STT3B: variants seen among roughly 807,000 people sequenced by gnomAD.
The protein encoded by STT3B is STT3 oligosaccharyltransferase complex catalytic subunit B.
A neutral mutation model predicts 96.8 loss-of-function variants in STT3B; 29 were observed. That is an observed-to-expected ratio of 0.30 (90% CI 0.22 to 0.41). The LOEUF (loss-of-function observed/expected upper bound fraction) is 0.41. Among genes scored for constraint, STT3B ranks in the 10% least tolerant of loss-of-function variants. The pLI, the probability that STT3B is intolerant of heterozygous loss-of-function variation, is 1.00. For missense variants in STT3B, 640 were observed against 1,022.3 expected, an observed-to-expected ratio of 0.63 and a Z score of 5.10; for synonymous variants, 367 against 360.0, an observed-to-expected ratio of 1.02 and a Z score of -0.22.
chr3:31,623,775 G>A lies in STT3B; in HGVS notation c.1641G>A (p.Leu547=), dbSNP rs768289963. 4.3e-6 allele frequency: 7 copies of A among 1,614,104 alleles called. No homozygotes were observed. The highest frequency in any genetic ancestry group is 5.9e-6 in the Non-Finnish European group (7 of 1,179,968). The change falls in exon 11 of 16, where the codon TTG becomes TTA. Residue 547 remains leucine (L), a synonymous_variant. Coordinates refer to ENST00000295770, the MANE Select transcript of STT3B (RefSeq NM_178862.3). The part of the protein sequence containing the change: ...SIVTMLMLML[L]MMFAVHCTWV... ...TCACCATGTTGATGCTGATGCTATTGATGATGTTTGCTGTCCACTGTACCT... is the reference window on the plus strand; with the variant it reads ...TCACCATGTTGATGCTGATGCTATTAATGATGTTTGCTGTCCACTGTACCT...
At chr3:31,618,386 A>G (rs1334086977) in intron 8 of STT3B, among the ~76,000 whole-genome samples, 5 of 151,866 alleles carry the variant, frequency 3.3e-5, no homozygotes, top group Non-Finnish European at 7.4e-5. Flanking sequence ...ATTTTTTCTA[A>G]TACCATCTGA....
chr3:31,636,293 A>G lies in STT3B; in HGVS notation c.*229A>G, dbSNP rs1699753379. On this transcript the variant is annotated 3_prime_UTR_variant, in exon 16 of 16. Transcript: ENST00000295770. ...AGACAGAGCACTGCTGTAAATGTCT[A>G]GCAGCAGATTTTTTTTTTATTGGTA... 2.7e-6 allele frequency: 1 copy of G among 365,388 alleles called. No individual in the cohort carries two copies. Among genetic ancestry groups the G allele is most frequent in the Non-Finnish European group, 5.0e-6 (1 of 199,046 alleles). 22.6% of individuals were successfully genotyped at this position (365,388 alleles called of 1,614,324 possible).
chr3:31,539,220 A>T (rs963261847), intron 1 of STT3B, among the ~76,000 whole-genome samples: 2 of 152,172 alleles, frequency 1.3e-5, no homozygotes, highest in African/African-American at 4.8e-5. Flanking sequence ...GTAGACAAAC[A>T]AATCTCTAAA....
intron 3 of STT3B, among the ~76,000 whole-genome samples, chr3:31,594,451 G>C (rs1200101620): frequency 7.0e-6 from 1 of 142,928 alleles, no homozygotes; most frequent in Non-Finnish European, 1.5e-5. Flanking sequence ...TTTTTTTTTG[G>C]ATGGAGTCTC....
Position 31,633,164 on chromosome 3 carries a change from G to A in STT3B, c.2400+17G>A. The A allele has an allele frequency of 1.2e-6, 2 of 1,605,156 alleles. No homozygotes were observed. The highest frequency in any genetic ancestry group is 1.7e-6 in the Non-Finnish European group (2 of 1,174,486). On this transcript the variant is annotated intron_variant, in intron 15 of 15. Transcript: ENST00000295770. ...TCAAAGAAGGTGGGTGCCAAGTGAA[G>A]GCATTAAAGGGTAACTTAAGGTGTG...
intron 8 of STT3B, 88 bp from the exon 9 acceptor site, chr3:31,619,588 T>A: frequency 1.7e-6 from 2 of 1,158,914 alleles, no homozygotes; most frequent in Non-Finnish European, 1.2e-6. Context: ...GTAGGTACCA[T>A]TTCTACAACC....
chr3:31,563,331 G>A (rs1697925963), intron 1 of STT3B, among the ~76,000 whole-genome samples: 1 of 152,156 alleles, frequency 6.6e-6, no homozygotes, highest in Non-Finnish European at 1.5e-5. Flanking sequence ...TTAACATTCA[G>A]TCATTTAACA....
intron 1 of STT3B, among the ~76,000 whole-genome samples, chr3:31,538,109 G>A (rs1265858792): frequency 6.6e-6 from 1 of 152,044 alleles, no homozygotes; most frequent in Admixed American, 6.5e-5. Context: ...GAATTTTATA[G>A]TGAACACTCA....
Position 31,559,951 on chromosome 3 carries a change from CTT to C in STT3B, c.315-16441_315-16440del, listed in dbSNP as rs1329484924. On this transcript the variant is annotated intron_variant, in intron 1 of 15. Transcript: ENST00000295770. Reference sequence around the variant, plus strand: ...CATTATATAATTACCTTCTTTGTCTCTTTTTACTGTTTTTTGACTTAAAGCCT... The same window carrying C: ...CATTATATAATTACCTTCTTTGTCTCTTTACTGTTTTTTGACTTAAAGCCT... 3.3e-5 allele frequency among the ~76,000 whole-genome samples: 5 copies of C among 152,124 alleles called. No homozygotes were observed. In the East Asian group the frequency reaches 9.7e-4, roughly 29 times the overall value.
chr3:31,588,769 T>A (rs1205185694), intron 3 of STT3B, among the ~76,000 whole-genome samples: 1 of 152,056 alleles, frequency 6.6e-6, no homozygotes, highest in East Asian at 1.9e-4. Flanking sequence ...GTTAAAAAAA[T>A]TATTCTTTTT....
At chr3:31,606,361 A>G (rs1402274938) in intron 5 of STT3B, among the ~76,000 whole-genome samples, 1 of 152,204 alleles carries the variant, frequency 6.6e-6, no homozygotes, top group Non-Finnish European at 1.5e-5. Context: ...CCCTCCCATC[A>G]TAGGTCCAGA....
chr3:31,633,303 GAGCATTCCTTTCAAA>G, intron 15 of STT3B, 156 bp downstream of exon 15: 3 of 690,438 alleles, frequency 4.3e-6, no homozygotes, highest in Non-Finnish European at 4.7e-6. Context: ...AGCCTGCTAG[GAGCATTCCTTTCAAA>G]CTGAGCACTT....
At chr3:31,541,003 T>C (rs1179156430) in intron 1 of STT3B, among the ~76,000 whole-genome samples, 1 of 152,212 alleles carries the variant, frequency 6.6e-6, no homozygotes, top group Non-Finnish European at 1.5e-5. Context: ...TAAATTATTA[T>C]ACATCTTATT....
chr3:31,538,297 A>T (rs1464032038), intron 1 of STT3B, among the ~76,000 whole-genome samples: 1 of 152,178 alleles, frequency 6.6e-6, no homozygotes, highest in Non-Finnish European at 1.5e-5. Context: ...TTTGTTTTCT[A>T]TATTATTTGA....
intron 5 of STT3B, among the ~76,000 whole-genome samples, chr3:31,604,743 G>A (rs1388196261): frequency 6.6e-6 from 1 of 152,152 alleles, no homozygotes; most frequent in East Asian, 1.9e-4. Context: ...AAGTTTTGGA[G>A]ATAAGTCTTG....
intron 2 of STT3B, among the ~76,000 whole-genome samples, chr3:31,578,676 T>C (rs571210832): frequency 6.6e-5 from 10 of 152,144 alleles, no homozygotes; most frequent in South Asian, 2.1e-4. Context: ...TGCTTTTTTT[T>C]CCTCCCCCTC....
chr3:31,557,899 G>A (rs1412956228), intron 1 of STT3B, among the ~76,000 whole-genome samples: 1 of 152,186 alleles, frequency 6.6e-6, no homozygotes, highest in Admixed American at 6.5e-5. Flanking sequence ...CAAAGTGTTG[G>A]GATTACAGGC....
Position 31,596,809 on chromosome 3 carries a change from A to G in STT3B, c.723A>G (p.Val241=), listed in dbSNP as rs1450616355. 1.2e-6 allele frequency: 2 copies of G among 1,611,666 alleles called. No individual in the cohort carries two copies. Among genetic ancestry groups the G allele is most frequent in the Non-Finnish European group, 1.7e-6 (2 of 1,178,426 alleles). The stretch of plus-strand genomic sequence containing the variant: ...CTTTTGTTTTTTAGGTAAAATCTGT[A>G]AAAACTGGGTCAGTTTTTTGGACAA... ...QFTYYLWVKS[V]KTGSVFWTMC... The change falls in exon 4 of 16, where the codon GTA becomes GTG. Residue 241 remains valine (V), a synonymous_variant. Coordinates refer to ENST00000295770, the MANE Select transcript of STT3B (RefSeq NM_178862.3).
At chr3:31,620,532 A>G (rs1237079049) in intron 9 of STT3B, among the ~76,000 whole-genome samples, 1 of 152,164 alleles carries the variant, frequency 6.6e-6, no homozygotes, top group Non-Finnish European at 1.5e-5. Flanking sequence ...AATAAGGATC[A>G]CCTTTCACTA....
Sources: allele counts gnomAD v4.1 joint callset (sites outside exome capture counted in the v4.1 genomes callset), GRCh38; gene constraint gnomAD v4.1.1; transcripts MANE v1.5; gene names NCBI Gene and HGNC (gene_info 2026-07-23, HGNC 2026-07-21).